LRRTM4: variants seen among roughly 807,000 people sequenced by gnomAD.
LRRTM4 encodes leucine rich repeat transmembrane neuronal 4, also known as leucine-rich repeat transmembrane neuronal protein 4.
Under a neutral mutation model 47.6 loss-of-function variants are expected in LRRTM4, and 25 were observed. The ratio of observed to expected loss-of-function variants is 0.53; its 90% CI spans 0.38 to 0.73. LRRTM4 has a LOEUF of 0.73. Among genes scored for constraint, LRRTM4 ranks in the 30% least tolerant of loss-of-function variants. The pLI is 0.00. For missense variants in LRRTM4, 638 were observed against 713.4 expected, an observed-to-expected ratio of 0.89 and a Z score of 1.20; for synonymous variants, 311 against 269.5, an observed-to-expected ratio of 1.15 and a Z score of -1.51.
Position 76,992,374 on chromosome 2 carries a change from T to C in LRRTM4, c.1552-243458A>G, listed in dbSNP as rs142810615. 1.5e-3 allele frequency among the ~76,000 whole-genome samples: 226 copies of C among 151,910 alleles called. 2 individuals carry two copies. Among genetic ancestry groups the C allele is most frequent in the Non-Finnish European group, 1.6e-3 (108 of 67,820 alleles). ...TTTGCTGATGATATGATTCTATACC[T>C]AGAAAACCCTAAAGACTTTGCCTAA... On this transcript the variant is annotated intron_variant, in intron 3 of 3. Coordinates refer to ENST00000409884, the MANE Select transcript of LRRTM4 (RefSeq NM_001134745.3).
chr2:77,513,822 T>A (rs1265467652), intron 3 of LRRTM4, among the ~76,000 whole-genome samples: 1 of 151,992 alleles, frequency 6.6e-6, no homozygotes, highest in Non-Finnish European at 1.5e-5. Context: ...CACTTTGGCC[T>A]CCCAAATTAC....
At chr2:77,020,610 G>GGCA (rs34187082) in intron 3 of LRRTM4, among the ~76,000 whole-genome samples, 1 of 151,532 alleles carries the variant, frequency 6.6e-6, no homozygotes, top group African/African-American at 2.4e-5. Context: ...ATGTTTTTAA[G>GGCA]GTAGTAACAT....
intron 3 of LRRTM4, among the ~76,000 whole-genome samples, chr2:76,834,096 AGTGG>A: frequency 6.6e-6 from 1 of 151,430 alleles, no homozygotes; most frequent in East Asian, 2.0e-4. Flanking sequence ...GCTGGAGTGC[AGTGG>A]CACCATCTTG....
At chr2:77,286,307 AC>A (rs1676655859) in intron 3 of LRRTM4, among the ~76,000 whole-genome samples, 1 of 152,088 alleles carries the variant, frequency 6.6e-6, no homozygotes, top group Admixed American at 6.6e-5. Context: ...TTAAACACAT[AC>A]AATATAACAT....
At chr2:77,407,653 T>C (rs1367057537) in intron 3 of LRRTM4, among the ~76,000 whole-genome samples, 1 of 126,582 alleles carries the variant, frequency 7.9e-6, no homozygotes, top group Non-Finnish European at 1.6e-5. Flanking sequence ...ATATATATTA[T>C]ATAATTATAT....
intron 3 of LRRTM4, among the ~76,000 whole-genome samples, chr2:77,190,597 G>A (rs755897400): frequency 4.6e-5 from 7 of 152,062 alleles, no homozygotes; most frequent in Non-Finnish European, 1.0e-4. Flanking sequence ...ACCGCACCCA[G>A]CCAACAGAGC....
At chr2:77,175,410 T>TA (rs1427650807) in intron 3 of LRRTM4, among the ~76,000 whole-genome samples, 4 of 152,118 alleles carry the variant, frequency 2.6e-5, no homozygotes, top group African/African-American at 9.7e-5. Flanking sequence ...GCCCAGGGCA[T>TA]AAAATCCCTC....
intron 3 of LRRTM4, among the ~76,000 whole-genome samples, chr2:77,423,713 C>A (rs530134356): frequency 1.3e-5 from 2 of 152,288 alleles, no homozygotes; most frequent in Admixed American, 6.5e-5. Flanking sequence ...AGACTTCCAA[C>A]TTCTCAACAG....
In LRRTM4 at chr2:77,113,220, T is replaced by G. The variant is rs577563208; in HGVS notation, c.1552-364304A>C. Among the ~76,000 whole-genome samples, 11 of 152,182 alleles carry G rather than the reference T, an allele frequency of 7.2e-5. 1 individual carries two copies. The highest frequency in any genetic ancestry group is 8.8e-5 in the Non-Finnish European group (6 of 68,004). On this transcript the variant is annotated intron_variant, in intron 3 of 3. Transcript: ENST00000409884. ...TAGCTGAGCCTGCAGACGGGCCTCC[T>G]CTGACCACCAGGTACGGAATTGTAA...
At chr2:76,808,333 C>T (rs1469384926) in intron 3 of LRRTM4, among the ~76,000 whole-genome samples, 2 of 151,790 alleles carry the variant, frequency 1.3e-5, no homozygotes, top group Non-Finnish European at 2.9e-5. Context: ...CTTACTTATT[C>T]ATGTATTTTC....
chr2:77,347,976 T>C (rs1472546912), intron 3 of LRRTM4, among the ~76,000 whole-genome samples: 1 of 151,668 alleles, frequency 6.6e-6, no homozygotes, highest in Non-Finnish European at 1.5e-5. Context: ...TTGTTGAACA[T>C]AAAAATGCTC....
intron 3 of LRRTM4, among the ~76,000 whole-genome samples, chr2:77,140,570 G>C (rs1472482627): frequency 1.4e-4 from 18 of 125,352 alleles, no homozygotes; most frequent in Non-Finnish European, 2.8e-4. Flanking sequence ...CATGGGCAAG[G>C]ACTTCATGAC....
intron 3 of LRRTM4, among the ~76,000 whole-genome samples, chr2:76,777,482 G>A (rs1353115597): frequency 7.1e-6 from 1 of 140,878 alleles, no homozygotes; most frequent in African/African-American, 2.7e-5. Flanking sequence ...CACATCCCTT[G>A]TAAGTTGGAT....
At chr2:77,056,088 C>T (rs1039686966) in intron 3 of LRRTM4, among the ~76,000 whole-genome samples, 1 of 149,548 alleles carries the variant, frequency 6.7e-6, no homozygotes, top group South Asian at 2.1e-4. Flanking sequence ...ATACCTAATG[C>T]TAAATGACGA....
intron 3 of LRRTM4, among the ~76,000 whole-genome samples, chr2:76,836,387 C>T (rs567190020): frequency 4.9e-4 from 75 of 151,906 alleles, no homozygotes; most frequent in African/African-American, 1.8e-3. Context: ...TTTCTTCTTT[C>T]TTGTTTTATT....
intron 3 of LRRTM4, among the ~76,000 whole-genome samples, chr2:77,137,603 G>C (rs956518655): frequency 5.3e-5 from 8 of 152,054 alleles, no homozygotes; most frequent in Admixed American, 3.3e-4. Context: ...CATAATGACA[G>C]GATCAAATTC....
chr2:77,089,513 C>T (rs1680855978), intron 3 of LRRTM4, among the ~76,000 whole-genome samples: 1 of 151,774 alleles, frequency 6.6e-6, no homozygotes, highest in South Asian at 2.1e-4. Flanking sequence ...TATTTCCATG[C>T]CCTGACCTCT....
chr2:76,927,910 G>A (rs1175876005), intron 3 of LRRTM4, among the ~76,000 whole-genome samples: 2 of 152,082 alleles, frequency 1.3e-5, no homozygotes, highest in Non-Finnish European at 2.9e-5. Flanking sequence ...GAAGCAACAC[G>A]ATTTATTTTT....
intron 3 of LRRTM4, among the ~76,000 whole-genome samples, chr2:77,480,142 T>C (rs1443771431): frequency 6.6e-6 from 1 of 152,096 alleles, no homozygotes; most frequent in Non-Finnish European, 1.5e-5. Context: ...CCCATGCTCC[T>C]ACCATTACAC....
Sources: allele counts gnomAD v4.1 joint callset (sites outside exome capture counted in the v4.1 genomes callset), GRCh38; gene constraint gnomAD v4.1.1; transcripts MANE v1.5; gene names NCBI Gene and HGNC (gene_info 2026-07-23, HGNC 2026-07-21).